The following SUPT3H variants were observed in gnomAD, a reference collection of about 807,000 sequenced individuals.
SUPT3H encodes SPT3 homolog, SAGA and STAGA complex component.
Under a neutral mutation model 44.3 loss-of-function variants are expected in SUPT3H, and 44 were observed. The ratio of observed to expected loss-of-function variants is 0.99; its 90% CI spans 0.78 to 1.28. The LOEUF (loss-of-function observed/expected upper bound fraction) is 1.28. Among genes scored for constraint, SUPT3H ranks in the 50% most tolerant of loss-of-function variants. SUPT3H has a pLI of 0.00. For synonymous variants in SUPT3H, 124 were observed against 125.6 expected, an observed-to-expected ratio of 0.99 and a Z score of 0.09; for missense variants, 380 against 387.1, an observed-to-expected ratio of 0.98 and a Z score of 0.15.
At chr6:44,915,346 CTG>C (rs1288587582) in intron 10 of SUPT3H, among the ~76,000 whole-genome samples, 2 of 152,170 alleles carry the variant, frequency 1.3e-5, no homozygotes, top group African/African-American at 4.8e-5. Context: ...TTTCTGGAAA[CTG>C]TATACATTCT....
intron 2 of SUPT3H, among the ~76,000 whole-genome samples, chr6:45,232,656 G>A (rs914184119): frequency 1.3e-5 from 2 of 152,092 alleles, no homozygotes; most frequent in African/African-American, 4.8e-5. Flanking sequence ...ATCCTCTGGG[G>A]CCCAAGTGTT....
At chr6:45,227,340 T>C (rs1767132722) in intron 2 of SUPT3H, among the ~76,000 whole-genome samples, 1 of 152,168 alleles carries the variant, frequency 6.6e-6, no homozygotes, top group South Asian at 2.1e-4. Context: ...ATTAGTAATA[T>C]GTTAATTAGT....
intron 3 of SUPT3H, among the ~76,000 whole-genome samples, chr6:45,056,247 A>G (rs1791108637): frequency 6.6e-6 from 1 of 152,210 alleles, no homozygotes; most frequent in South Asian, 2.1e-4. Context: ...TGTAAACTGT[A>G]CAACCACTAT....
At chr6:45,231,157 T>C (rs1584393080) in intron 2 of SUPT3H, among the ~76,000 whole-genome samples, 1 of 152,310 alleles carries the variant, frequency 6.6e-6, no homozygotes, top group East Asian at 1.9e-4. Flanking sequence ...AGTCTTTTTT[T>C]CTTCCTCATT....
At chr6:45,331,410 A>G (rs1452505227) in intron 2 of SUPT3H, among the ~76,000 whole-genome samples, 2 of 152,008 alleles carry the variant, frequency 1.3e-5, no homozygotes, top group Non-Finnish European at 1.5e-5. Flanking sequence ...ATTGTGGTCC[A>G]TATCAATAAT....
intron 5 of SUPT3H, among the ~76,000 whole-genome samples, chr6:45,007,500 T>A (rs554313485): frequency 6.6e-6 from 1 of 152,240 alleles, no homozygotes; most frequent in Non-Finnish European, 1.5e-5. Context: ...CATTTTATTC[T>A]CCCTAATTAG....
intron 10 of SUPT3H, among the ~76,000 whole-genome samples, chr6:44,889,466 C>T (rs1179643428): frequency 6.6e-6 from 1 of 152,160 alleles, no homozygotes; most frequent in Non-Finnish European, 1.5e-5. Flanking sequence ...CGCATATCTG[C>T]AACTATCTGA....
At chr6:45,242,795 C>T (rs949364438) in intron 2 of SUPT3H, among the ~76,000 whole-genome samples, 2 of 152,060 alleles carry the variant, frequency 1.3e-5, no homozygotes, top group African/African-American at 4.8e-5. Context: ...ATTTATTAGA[C>T]ATGCACAAAA....
At position 45,286,328 on chromosome 6, in the gene SUPT3H, A is replaced by T. The variant is rs569272436; in HGVS notation, c.101+78873T>A. On this transcript the variant is annotated intron_variant, in intron 2 of 10. Coordinates refer to ENST00000371459, the MANE Select transcript of SUPT3H (RefSeq NM_003599.4). ...ACAGGCAACCTACAGAATGGGAAAA[A>T]ATTTTTGCAATCTACTCATCTGACA... is the stretch of plus-strand genomic sequence containing the variant. Among the ~76,000 whole-genome samples the T allele has an allele frequency of 2.6e-3, 403 of 152,294 alleles. 5 individuals carry two copies. The highest frequency in any genetic ancestry group is 9.5e-3 in the African/African-American group (395 of 41,566).
chr6:45,135,673 C>T lies in SUPT3H; in HGVS notation c.102-29667G>A, dbSNP rs548149985. On this transcript the variant is annotated intron_variant, in intron 2 of 10. Coordinates refer to ENST00000371459, the MANE Select transcript of SUPT3H (RefSeq NM_003599.4). ...TTATAAAAGAAACCACAGTTTTTGC[C>T]CATTCCACCATGTGAGGTTATACCA... 1.9e-3 allele frequency among the ~76,000 whole-genome samples: 284 copies of T among 152,236 alleles called. 1 individual carries two copies. Among genetic ancestry groups the T allele is most frequent in the African/African-American group, 6.3e-3 (260 of 41,528 alleles).
chr6:45,170,944 T>C (rs747595476), intron 2 of SUPT3H, among the ~76,000 whole-genome samples: 14 of 152,152 alleles, frequency 9.2e-5, no homozygotes, highest in African/African-American at 2.2e-4. Context: ...TTGAGGAATA[T>C]AGAAAGAACA....
chr6:44,902,077 T>C (rs1348160164), intron 10 of SUPT3H, among the ~76,000 whole-genome samples: 2 of 151,994 alleles, frequency 1.3e-5, no homozygotes, highest in East Asian at 1.9e-4. Context: ...TCATGCCAAA[T>C]TGTAAAGACC....
chr6:44,961,908 A>C, intron 6 of SUPT3H, 80 bp from the exon 7 acceptor site: 1 of 1,103,934 alleles, frequency 9.1e-7, no homozygotes, highest in Non-Finnish European at 1.3e-6. Context: ...TTAGAATTGA[A>C]GTACCATTTT....
At chr6:45,052,179 G>A (rs913346412) in intron 3 of SUPT3H, among the ~76,000 whole-genome samples, 3 of 152,100 alleles carry the variant, frequency 2.0e-5, no homozygotes, top group African/African-American at 4.8e-5. Flanking sequence ...GAAGAGAGTC[G>A]GTGATAGAAG....
intron 2 of SUPT3H, among the ~76,000 whole-genome samples, chr6:45,325,812 T>G (rs1786254144): frequency 6.6e-6 from 1 of 151,892 alleles, no homozygotes; most frequent in African/African-American, 2.4e-5. Context: ...GTGTACCAAT[T>G]ATCAAATGTG....
At chr6:44,919,752 C>T (rs750247377) in intron 10 of SUPT3H, among the ~76,000 whole-genome samples, 2 of 152,216 alleles carry the variant, frequency 1.3e-5, no homozygotes, top group African/African-American at 2.4e-5. Flanking sequence ...TCTGGTCTCA[C>T]GCCATTGCCT....
At chr6:45,099,410 G>C (rs1032154896) in intron 3 of SUPT3H, 8 of 150,652 alleles carry the variant, frequency 5.3e-5, no homozygotes, top group Non-Finnish European at 1.2e-4. Flanking sequence ...GTCACATTTT[G>C]GGCCAAGTTT....
chr6:44,967,417 T>C lies in SUPT3H; in HGVS notation c.505-5589A>G, dbSNP rs1776923172. On this transcript the variant is annotated intron_variant, in intron 6 of 10. Coordinates refer to ENST00000371459, the MANE Select transcript of SUPT3H (RefSeq NM_003599.4). ...GATACAGTGCCTAGTATAATTTGTT[T>C]GTTCAATATCGTGAATACAACAAAC... 2.0e-5 allele frequency among the ~76,000 whole-genome samples: 3 copies of C among 152,360 alleles called. No individual in the cohort carries two copies. In the South Asian group the frequency reaches 6.2e-4, roughly 32 times the overall value.
At chr6:45,055,047 A>T (rs1463313634) in intron 3 of SUPT3H, among the ~76,000 whole-genome samples, 2 of 151,620 alleles carry the variant, frequency 1.3e-5, no homozygotes, top group Non-Finnish European at 2.9e-5. Context: ...TTAGAAAAAA[A>T]CTTGAGCAGA....
Sources: gnomAD v4.1 joint callset for allele counts (sites outside exome capture counted in the v4.1 genomes callset) on GRCh38, gnomAD v4.1.1 for gene constraint, MANE v1.5 for transcripts, NCBI Gene and HGNC (gene_info 2026-07-23, HGNC 2026-07-21) for gene names.